The following ARHGAP20 variants were observed in gnomAD, a reference collection of about 807,000 sequenced individuals.
ARHGAP20 encodes rho GTPase-activating protein 20.
In ARHGAP20, 34 loss-of-function variants were observed where a neutral mutation model predicts 73.7. The observed-to-expected ratio is 0.46, with a 90% CI of 0.35 to 0.61. The LOEUF is 0.61. Among genes scored for constraint, ARHGAP20 ranks in the 20% least tolerant of loss-of-function variants. The pLI, the probability that ARHGAP20 is intolerant of heterozygous loss-of-function variation, is 0.00. For synonymous variants in ARHGAP20, 523 were observed against 518.2 expected, an observed-to-expected ratio of 1.01 and a Z score of -0.13; for missense variants, 1,314 against 1,420.9, an observed-to-expected ratio of 0.92 and a Z score of 1.21.
At chr11:110,608,657 T>C (rs958172934) in intron 8 of ARHGAP20, among the ~76,000 whole-genome samples, 1 of 152,156 alleles carries the variant, frequency 6.6e-6, no homozygotes, top group Admixed American at 6.5e-5. Flanking sequence ...GAAAAATAAA[T>C]GTATGGAGAA....
intron 9 of ARHGAP20, among the ~76,000 whole-genome samples, chr11:110,599,045 C>A (rs1489882820): frequency 1.3e-5 from 2 of 152,154 alleles, no homozygotes; most frequent in Non-Finnish European, 2.9e-5. Context: ...TGTGTGGGGA[C>A]AGGTAGGAGC....
intron 9 of ARHGAP20, among the ~76,000 whole-genome samples, chr11:110,598,593 A>C (rs1302362412): frequency 3.3e-5 from 5 of 152,210 alleles, no homozygotes; most frequent in Non-Finnish European, 7.3e-5. Context: ...TGATTTTTTA[A>C]TGTGTTACAC....
intron 3 of ARHGAP20, among the ~76,000 whole-genome samples, chr11:110,624,618 T>C (rs1027897680): frequency 6.8e-6 from 1 of 147,158 alleles, no homozygotes; most frequent in Non-Finnish European, 1.5e-5. Context: ...ATTCTGCACA[T>C]GTATCCTGTT....
At chr11:110,712,538 G>A, upstream of ARHGAP20, 1 of 153,382 alleles carries the variant, frequency 6.5e-6, no homozygotes, top group African/African-American at 2.4e-5. Flanking sequence ...GCCCTCCTCA[G>A]CCCTCCTCCA....
chr11:110,692,790 G>A (rs1019913275), intron 1 of ARHGAP20, among the ~76,000 whole-genome samples: 7 of 152,002 alleles, frequency 4.6e-5, no homozygotes, highest in African/African-American at 1.7e-4. Context: ...TAATGTGGAG[G>A]AAAGTTAGCA....
chr11:110,581,298 T>C, intron 14 of ARHGAP20, 73 bp from the exon 15 acceptor site: 1 of 1,402,976 alleles, frequency 7.1e-7, no homozygotes, highest in Non-Finnish European at 9.4e-7. Flanking sequence ...TAAGAACAAA[T>C]TCTCTTTTCA....
chr11:110,597,707 G>A (rs576654149), intron 9 of ARHGAP20, among the ~76,000 whole-genome samples: 2 of 152,162 alleles, frequency 1.3e-5, no homozygotes, highest in Non-Finnish European at 2.9e-5. Context: ...GCTACCCTAT[G>A]AGTGTTGACA....
At chr11:110,675,777 A>C (rs1341256231) in intron 2 of ARHGAP20, among the ~76,000 whole-genome samples, 3 of 152,190 alleles carry the variant, frequency 2.0e-5, no homozygotes. Context: ...CTTATCCCTC[A>C]AAACCCAGCA....
At chr11:110,631,960 T>G (rs1948868661) in intron 2 of ARHGAP20, among the ~76,000 whole-genome samples, 1 of 152,216 alleles carries the variant, frequency 6.6e-6, no homozygotes, top group South Asian at 2.1e-4. Context: ...ATCTGTTCTT[T>G]TGTGTAAGAT....
At chr11:110,699,047 T>C (rs1950393458) in intron 1 of ARHGAP20, among the ~76,000 whole-genome samples, 1 of 151,946 alleles carries the variant, frequency 6.6e-6, no homozygotes, top group South Asian at 2.1e-4. Flanking sequence ...GGTGTAGACA[T>C]TTAAAGTTAT....
chr11:110,620,381 C>G (rs547485733), intron 4 of ARHGAP20, among the ~76,000 whole-genome samples: 4 of 152,072 alleles, frequency 2.6e-5, no homozygotes, highest in African/African-American at 9.7e-5. Context: ...AAACTCCCCC[C>G]CTCAAGTGAT....
chr11:110,614,669 A>G (rs1380502314), intron 5 of ARHGAP20, 24 bp from the exon 6 acceptor site: 1 of 1,484,640 alleles, frequency 6.7e-7, no homozygotes, highest in Non-Finnish European at 9.2e-7. Context: ...ACAGCAACCC[A>G]AAACAACACT....
intron 7 of ARHGAP20, among the ~76,000 whole-genome samples, chr11:110,610,157 T>C (rs1346304691): frequency 6.6e-6 from 1 of 152,082 alleles, no homozygotes; most frequent in Non-Finnish European, 1.5e-5. Flanking sequence ...AGCTTAGAAA[T>C]TAATGGAGGT....
chr11:110,608,358 TTAAA>T (rs772073716), intron 8 of ARHGAP20, among the ~76,000 whole-genome samples: 2 of 152,148 alleles, frequency 1.3e-5, no homozygotes, highest in African/African-American at 4.8e-5. Context: ...AGCTAATGAC[TTAAA>T]TAAGGTAAAA....
chr11:110,657,892 CA>C lies in ARHGAP20; in HGVS notation c.189-27101del, dbSNP rs796616014. Reference sequence around the variant, plus strand: ...CCTGGGTGACAGAGTGAGACTCCGACAAAAAAAAAAAGAAAGAAAAAGAGAG... The same window carrying C: ...CCTGGGTGACAGAGTGAGACTCCGACAAAAAAAAAAGAAAGAAAAAGAGAG... On this transcript the variant is annotated intron_variant, in intron 2 of 14. Transcript: ENST00000683387. 1.8e-3 allele frequency among the ~76,000 whole-genome samples: 140 copies of C among 76,032 alleles called. 1 individual carries two copies. The Middle Eastern group carries it at 0.033, about 18-fold the overall frequency. 49.9% of individuals were successfully genotyped at this position (76,032 alleles called of 152,430 possible).
intron 2 of ARHGAP20, among the ~76,000 whole-genome samples, chr11:110,641,733 C>T (rs1038349860): frequency 5.3e-5 from 8 of 151,952 alleles, no homozygotes; most frequent in African/African-American, 1.9e-4. Flanking sequence ...AAAAACAACA[C>T]AAAACCTTCA....
intron 2 of ARHGAP20, among the ~76,000 whole-genome samples, chr11:110,658,692 T>C (rs1174669951): frequency 1.3e-5 from 2 of 152,166 alleles, no homozygotes; most frequent in Non-Finnish European, 2.9e-5. Flanking sequence ...ACAGACAATA[T>C]ATTGTTAGGC....
In ARHGAP20 at chr11:110,650,958, G is replaced by A. The variant is rs190402966; in HGVS notation, c.189-20166C>T. ...ACAAACTACAAAGCTTGGCCACATG[G>A]CACTTATTCTAAAATTGATCACATA... On this transcript the variant is annotated intron_variant, in intron 2 of 14. Coordinates refer to ENST00000683387, the MANE Select transcript of ARHGAP20 (RefSeq NM_001384657.1). 5.9e-5 allele frequency among the ~76,000 whole-genome samples: 9 copies of A among 152,174 alleles called. No individual in the cohort carries two copies. The East Asian group carries it at 1.7e-3, about 29-fold the overall frequency.
At chr11:110,701,405 T>C (rs1489598523) in intron 1 of ARHGAP20, among the ~76,000 whole-genome samples, 7 of 152,042 alleles carry the variant, frequency 4.6e-5, no homozygotes, top group Non-Finnish European at 8.8e-5. Flanking sequence ...TGTCTGTTCA[T>C]GTCCTTTGCC....
Sources: allele counts gnomAD v4.1 joint callset (sites outside exome capture counted in the v4.1 genomes callset), GRCh38; gene constraint gnomAD v4.1.1; transcripts MANE v1.5; gene names NCBI Gene and HGNC (gene_info 2026-07-23, HGNC 2026-07-21).